The following NRCAM variants were observed in gnomAD, a reference collection of about 807,000 sequenced individuals.
NRCAM encodes the protein neuronal cell adhesion molecule, also known as NgCAM-related cell adhesion molecule.
Under a neutral mutation model 156.5 loss-of-function variants are expected in NRCAM, and 83 were observed. The observed-to-expected ratio is 0.53, with a 90% CI of 0.44 to 0.64. The LOEUF (loss-of-function observed/expected upper bound fraction) is 0.64, where lower values mean the gene tolerates loss of function less well. NRCAM is among the 30% of genes least tolerant of loss of function. The pLI is 0.00. For synonymous variants in NRCAM, 538 were observed against 563.9 expected (o/e 0.95, Z 0.65); for missense variants, 1,417 against 1,597.3 (o/e 0.89, Z 1.92).
chr7:108,352,570 C>G (rs912322917), intron 2 of NRCAM, among the ~76,000 whole-genome samples: 4 of 152,164 alleles, frequency 2.6e-5, no homozygotes, highest in Non-Finnish European at 5.9e-5. Context: ...TTTCAAATAA[C>G]ATTCTTGGGA....
At chr7:108,226,632 G>T (rs1443134701) in intron 8 of NRCAM, among the ~76,000 whole-genome samples, 2 of 151,976 alleles carry the variant, frequency 1.3e-5, no homozygotes, top group African/African-American at 4.8e-5. Flanking sequence ...GAGTTATACA[G>T]TGAAATCTTT....
At chr7:108,198,273 T>C (rs985097428) in intron 13 of NRCAM, among the ~76,000 whole-genome samples, 174 bp from the exon 14 acceptor site, 2 of 152,202 alleles carry the variant, frequency 1.3e-5, no homozygotes, top group African/African-American at 4.8e-5. Context: ...GAGTTATATA[T>C]TAGCAAGGGT....
At chr7:108,285,436 A>G (rs2098056951) in intron 3 of NRCAM, among the ~76,000 whole-genome samples, 1 of 152,250 alleles carries the variant, frequency 6.6e-6, no homozygotes, top group African/African-American at 2.4e-5. Flanking sequence ...AAGCTTTACA[A>G]TAGTTTTCAA....
intron 1 of NRCAM, among the ~76,000 whole-genome samples, chr7:108,451,624 C>T (rs1340759865): frequency 6.6e-6 from 1 of 152,082 alleles, no homozygotes; most frequent in Non-Finnish European, 1.5e-5. Context: ...TTCAGCATTA[C>T]AAAGGAAGGA....
intron 2 of NRCAM, among the ~76,000 whole-genome samples, chr7:108,379,519 G>A (rs2099691875): frequency 1.3e-5 from 2 of 152,114 alleles, no homozygotes; most frequent in South Asian, 4.1e-4. Context: ...CAAATGAAGA[G>A]TTCTGGAGAT....
chr7:108,222,043 A>C (rs2092460909), intron 11 of NRCAM, among the ~76,000 whole-genome samples: 2 of 152,220 alleles, frequency 1.3e-5, no homozygotes, highest in Admixed American at 1.3e-4. Context: ...ATCTGATGAA[A>C]TAGCTTCTAG....
At chr7:108,426,348 A>C (rs1486889158) in intron 1 of NRCAM, among the ~76,000 whole-genome samples, 1 of 152,246 alleles carries the variant, frequency 6.6e-6, no homozygotes, top group Non-Finnish European at 1.5e-5. Context: ...ACAAGGCTTA[A>C]ACAGAGTGAG....
intron 30 of NRCAM, 72 bp from the exon 31 acceptor site, chr7:108,160,564 TAAA>T: frequency 2.1e-6 from 3 of 1,424,538 alleles, no homozygotes; most frequent in Non-Finnish European, 2.8e-6. Context: ...TCTCTCAGAG[TAAA>T]AAATTGCCAC....
chr7:108,231,134 T>C lies in NRCAM; in HGVS notation c.447A>G (p.Lys149=). The change falls in exon 8 of 33, where the codon AAA becomes AAG. Residue 149 remains lysine, a synonymous_variant. Transcript: ENST00000379028. ...VRPSRSPLWT[K]EKLEPITLQS... ...GAAGTGTGATTGGTTCAAGTTTTTC[T>C]TTGGTCCACAATGGTGATCCTATTA... 6.2e-7 allele frequency: 1 copy of C among 1,604,500 alleles called. No homozygotes were observed. The highest frequency in any genetic ancestry group is 8.5e-7 in the Non-Finnish European group (1 of 1,176,594).
At chr7:108,379,829 T>C (rs1414117292) in intron 2 of NRCAM, among the ~76,000 whole-genome samples, 2 of 152,066 alleles carry the variant, frequency 1.3e-5, no homozygotes, top group Non-Finnish European at 2.9e-5. Flanking sequence ...AAGTTGCCCA[T>C]ATTACAGCAC....
At chr7:108,256,086 G>A (rs1459788939) in intron 3 of NRCAM, among the ~76,000 whole-genome samples, 1 of 152,136 alleles carries the variant, frequency 6.6e-6, no homozygotes, top group Non-Finnish European at 1.5e-5. Context: ...TGGGAAGTGA[G>A]GAGCCCCTCT....
At chr7:108,368,237 C>CCCA (rs2099605833) in intron 2 of NRCAM, among the ~76,000 whole-genome samples, 1 of 127,952 alleles carries the variant, frequency 7.8e-6, no homozygotes, top group South Asian at 3.2e-4. Context: ...CCCCCCCACC[C>CCCA]CCCCGCCTGC....
chr7:108,234,710 ATGT>A, intron 5 of NRCAM, 22 bp from the exon 6 acceptor site: 1 of 1,489,928 alleles, frequency 6.7e-7, no homozygotes, highest in Non-Finnish European at 9.3e-7. Flanking sequence ...AAAAAAAAAA[ATGT>A]AAAAAAACAA....
intron 32 of NRCAM, among the ~76,000 whole-genome samples, chr7:108,157,965 G>A (rs937452099): frequency 2.6e-5 from 4 of 152,074 alleles, no homozygotes; most frequent in Admixed American, 1.3e-4. Context: ...TGCATATCCT[G>A]TAGATAATTA....
intron 2 of NRCAM, among the ~76,000 whole-genome samples, chr7:108,357,528 AC>A (rs750012702): frequency 2.6e-5 from 4 of 151,928 alleles, no homozygotes; most frequent in Non-Finnish European, 5.9e-5. Context: ...ACAAGGTTTC[AC>A]CACACTGGCC....
chr7:108,407,248 T>C (rs536665294), intron 1 of NRCAM, among the ~76,000 whole-genome samples: 1 of 152,366 alleles, frequency 6.6e-6, no homozygotes, highest in Admixed American at 6.5e-5. Flanking sequence ...AAATATTCTA[T>C]AAAATCATTT....
chr7:108,452,672 T>C (rs35617326), intron 1 of NRCAM, among the ~76,000 whole-genome samples: 39,177 of 152,182 alleles, frequency 0.26, 5,383 homozygotes, highest in Non-Finnish European at 0.29. Context: ...CATCAATCAT[T>C]GCAACAGCTG....
At chr7:108,304,351 T>C (rs568293249) in intron 3 of NRCAM, among the ~76,000 whole-genome samples, 37 of 151,958 alleles carry the variant, frequency 2.4e-4, no homozygotes, top group African/African-American at 8.4e-4. Flanking sequence ...ACTTTTGGCC[T>C]CTACAACACA....
intron 2 of NRCAM, among the ~76,000 whole-genome samples, chr7:108,336,384 A>G (rs986033487): frequency 6.6e-5 from 10 of 152,270 alleles, no homozygotes; most frequent in African/African-American, 2.4e-4. Flanking sequence ...AAATTTTTTA[A>G]AAGAATGAAA....
Sources: allele counts gnomAD v4.1 joint callset (sites outside exome capture counted in the v4.1 genomes callset), GRCh38; gene constraint gnomAD v4.1.1; transcripts MANE v1.5; gene names NCBI Gene and HGNC (gene_info 2026-07-23, HGNC 2026-07-21).